The following ZCCHC14 variants were observed in gnomAD, a reference collection of about 807,000 sequenced individuals.
The protein encoded by ZCCHC14 is zinc finger CCHC domain-containing protein 14.
ZCCHC14 carries 16 observed loss-of-function variants against 85.0 expected under a neutral mutation model. The observed-to-expected ratio is 0.19, with a 90% CI of 0.13 to 0.29. ZCCHC14 has a LOEUF of 0.29. Among genes scored for constraint, ZCCHC14 ranks in the 10% least tolerant of loss-of-function variants. The pLI is 1.00. For synonymous variants in ZCCHC14, 775 were observed against 630.7 expected (o/e 1.23, Z -3.43); for missense variants, 1,303 against 1,443.5 (o/e 0.90, Z 1.58).
At position 87,424,780 on chromosome 16, in the gene ZCCHC14, G is replaced by A. The variant is rs572971337; in HGVS notation, c.769-899C>T. ...AAAGGCAAATAAGAAGTTAGCTACA[G>A]GATTGAGATGGACAGAGGGGATGGC... On this transcript the variant is annotated intron_variant, in intron 3 of 12. Coordinates refer to ENST00000671377, the MANE Select transcript of ZCCHC14 (RefSeq NM_015144.3). Among the ~76,000 whole-genome samples, 5 of 152,290 alleles carry A rather than the reference G, an allele frequency of 3.3e-5. No individual in the cohort carries two copies. The South Asian group carries it at 1.0e-3, about 32-fold the overall frequency.
intron 1 of ZCCHC14, among the ~76,000 whole-genome samples, chr16:87,464,388 C>T (rs568077824): frequency 1.3e-5 from 2 of 152,306 alleles, no homozygotes; most frequent in South Asian, 2.1e-4. Flanking sequence ...TGCAGCTAGG[C>T]TAAGAACCAA....
At chr16:87,452,297 G>C (rs1358782058) in intron 2 of ZCCHC14, among the ~76,000 whole-genome samples, 2 of 152,236 alleles carry the variant, frequency 1.3e-5, no homozygotes, top group Non-Finnish European at 2.9e-5. Flanking sequence ...CCATGTTGAG[G>C]GCAGGCAGGA....
intron 1 of ZCCHC14, among the ~76,000 whole-genome samples, chr16:87,480,983 C>G (rs1912241089): frequency 6.6e-6 from 1 of 152,202 alleles, no homozygotes; most frequent in African/African-American, 2.4e-5. Context: ...CATGGCACAT[C>G]ATGCCAAGAC....
intron 1 of ZCCHC14, among the ~76,000 whole-genome samples, chr16:87,474,583 A>C (rs914151181): frequency 6.6e-6 from 1 of 152,172 alleles, no homozygotes; most frequent in Non-Finnish European, 1.5e-5. Flanking sequence ...GACAAGCAGA[A>C]ACTGGAGGGA....
chr16:87,434,335 C>G (rs1909808164), intron 2 of ZCCHC14, among the ~76,000 whole-genome samples: 1 of 152,242 alleles, frequency 6.6e-6, no homozygotes, highest in African/African-American at 2.4e-5. Flanking sequence ...TGAAGTTTCT[C>G]ACTGCCCAAC....
chr16:87,465,300 G>A (rs1046259108), intron 1 of ZCCHC14, among the ~76,000 whole-genome samples: 10 of 152,238 alleles, frequency 6.6e-5, no homozygotes, highest in African/African-American at 2.4e-4. Flanking sequence ...ATAAGGATCT[G>A]TAAAATACAT....
chr16:87,466,478 G>A (rs1363848974), intron 1 of ZCCHC14, among the ~76,000 whole-genome samples: 4 of 152,156 alleles, frequency 2.6e-5, no homozygotes, highest in Admixed American at 6.5e-5. Context: ...TTGTGCCAGC[G>A]ACCTCTCTGG....
intron 1 of ZCCHC14, among the ~76,000 whole-genome samples, chr16:87,474,935 A>G (rs1270825252): frequency 2.0e-5 from 3 of 152,254 alleles, no homozygotes; most frequent in Non-Finnish European, 2.9e-5. Context: ...CTGGAGTTTG[A>G]GTCCAGCCAA....
chr16:87,413,081 G>C lies in ZCCHC14; in HGVS notation c.1718C>G (p.Ser573Cys), dbSNP rs1908565392. The C allele has an allele frequency of 1.2e-6, 2 of 1,614,010 alleles. No individual in the cohort carries two copies. Among genetic ancestry groups the C allele is most frequent in the African/African-American group, 1.3e-5 (1 of 74,948 alleles). The change falls in exon 11 of 13, where the codon TCC becomes TGC. Residue 573 changes from serine (S) to cysteine (C), a missense_variant. Ser to Cys is a moderately radical substitution (Grantham distance 112). Coordinates refer to ENST00000671377, the MANE Select transcript of ZCCHC14 (RefSeq NM_015144.3). ...PMGVQAREES[S>C]DSAEENDRRV... is the part of the protein sequence containing the mutation. ...TCTGTCATTCTCCTCAGCGCTGTCGGAGCTCTCTTCCCGGGCCTGTACCCC... is the reference window on the plus strand; with the variant it reads ...TCTGTCATTCTCCTCAGCGCTGTCGCAGCTCTCTTCCCGGGCCTGTACCCC...
At chr16:87,459,276 A>G (rs1471488665) in intron 2 of ZCCHC14, among the ~76,000 whole-genome samples, 1 of 152,156 alleles carries the variant, frequency 6.6e-6, no homozygotes, top group Non-Finnish European at 1.5e-5. Context: ...GCTTCAGGAC[A>G]ACACCGCTCT....
intron 1 of ZCCHC14, among the ~76,000 whole-genome samples, chr16:87,479,185 G>A (rs1030148509): frequency 4.6e-5 from 7 of 152,054 alleles, no homozygotes; most frequent in African/African-American, 1.2e-4. Flanking sequence ...GGGAGGCTGA[G>A]GCGGGCAGAT....
chr16:87,461,672 G>A (rs1047956974), intron 1 of ZCCHC14, among the ~76,000 whole-genome samples: 2 of 152,190 alleles, frequency 1.3e-5, no homozygotes, highest in Non-Finnish European at 1.5e-5. Context: ...GCGTGGCCTC[G>A]ACCTCAGACA....
At chr16:87,443,370 G>A (rs1910277991) in intron 2 of ZCCHC14, among the ~76,000 whole-genome samples, 1 of 152,140 alleles carries the variant, frequency 6.6e-6, no homozygotes, top group South Asian at 2.1e-4. Context: ...TTTTATCAAT[G>A]CAGGAATTGT....
Position 87,418,884 on chromosome 16 carries a change from G to C in ZCCHC14, c.1063C>G (p.Leu355Val), listed in dbSNP as rs762239541. 6.2e-7 allele frequency: 1 copy of C among 1,612,974 alleles called. No homozygotes were observed. The highest frequency in any genetic ancestry group is 2.2e-5 in the East Asian group (1 of 44,858). Residue 355 changes from leucine (L) to valine (V), a missense_variant, in exon 7 of 13, where the codon CTT (leucine) becomes GTT (valine). Transcript: ENST00000671377. Reference sequence around the variant, plus strand: ...CCCATCACGGTACCTACTTTAGAAAGGGAGGGATTGCCAGGACCTATAAAT... The same window carrying C: ...CCCATCACGGTACCTACTTTAGAAACGGAGGGATTGCCAGGACCTATAAAT... Reference protein sequence around the residue: ...LQSPSPGNPSLSKVGTVMGVS... With the variant: ...LQSPSPGNPSVSKVGTVMGVS...
rs1189165017 is a variant in ZCCHC14, at chr16:87,491,209, TCCCGCGGATC to T, written c.570+450_570+459del. Reference sequence around the variant, plus strand: ...TGACCGCGGACGTCTCCCGCACCGCTCCCGCGGATCCTCGGACCCAGGGCCCCTGCAGCCG... The same window carrying T: ...TGACCGCGGACGTCTCCCGCACCGCTCTCGGACCCAGGGCCCCTGCAGCCG... On this transcript the variant is annotated intron_variant, in intron 1 of 12. Transcript: ENST00000671377. The surrounding 1 kb of genome is among the most constrained non-coding windows in gnomAD (Gnocchi z 5.9). 6.6e-6 allele frequency among the ~76,000 whole-genome samples: 1 copy of T among 152,182 alleles called. No individual in the cohort carries two copies. The highest frequency in any genetic ancestry group is 1.5e-5 in the Non-Finnish European group (1 of 68,030).
intron 1 of ZCCHC14, among the ~76,000 whole-genome samples, chr16:87,464,170 G>T (rs1339117450): frequency 6.6e-6 from 1 of 152,230 alleles, no homozygotes; most frequent in Non-Finnish European, 1.5e-5. Context: ...GCCTGCTAGG[G>T]GAGGAAGGGG....
At chr16:87,454,692 G>A (rs1014302704) in intron 2 of ZCCHC14, among the ~76,000 whole-genome samples, 2 of 152,234 alleles carry the variant, frequency 1.3e-5, no homozygotes, top group African/African-American at 2.4e-5. Context: ...AGAGCAGTGG[G>A]AATAGTAAAT....
At chr16:87,440,103 G>A (rs1020048048) in intron 2 of ZCCHC14, among the ~76,000 whole-genome samples, 1 of 152,218 alleles carries the variant, frequency 6.6e-6, no homozygotes, top group South Asian at 2.1e-4. Context: ...CGCTGTGCCC[G>A]GCCTAACATG....
intron 1 of ZCCHC14, among the ~76,000 whole-genome samples, chr16:87,477,822 C>T (rs1216963082): frequency 2.0e-5 from 3 of 150,394 alleles, no homozygotes; most frequent in Admixed American, 1.3e-4. Flanking sequence ...AACACTCACA[C>T]GCCTCCACGC....
Sources: allele counts gnomAD v4.1 joint callset (sites outside exome capture counted in the v4.1 genomes callset), GRCh38; gene constraint gnomAD v4.1.1; non-coding constraint Gnocchi (gnomAD v3.1); transcripts MANE v1.5; gene names NCBI Gene and HGNC (gene_info 2026-07-23, HGNC 2026-07-21).